Variants in WDR20 observed in about 807,000 individuals in gnomAD.
The protein encoded by WDR20 is WD repeat domain 20, also known as WD repeat-containing protein 20.
WDR20 carries 3 observed loss-of-function variants against 38.7 expected under a neutral mutation model. The ratio of observed to expected loss-of-function variants is 0.08; its 90% CI spans 0.04 to 0.20. The LOEUF (loss-of-function observed/expected upper bound fraction) is 0.20, where lower values mean the gene tolerates loss of function less well. Among genes scored for constraint, WDR20 ranks in the 10% least tolerant of loss-of-function variants. The pLI, the probability that WDR20 is intolerant of heterozygous loss-of-function variation, is 1.00. For missense variants in WDR20, 559 were observed against 727.7 expected, an observed-to-expected ratio of 0.77 and a Z score of 2.67; for synonymous variants, 298 against 285.6, an observed-to-expected ratio of 1.04 and a Z score of -0.44.
chr14:102,215,062 C>A, downstream of WDR20: 1 of 919,522 alleles, frequency 1.1e-6, no homozygotes, highest in Non-Finnish European at 1.3e-6. Context: ...CCCAGTGAAC[C>A]AAAACCAGAA....
chr14:102,213,598 G>A (rs1022878446), downstream of WDR20: 11 of 985,320 alleles, frequency 1.1e-5, no homozygotes, highest in East Asian at 1.1e-4. Flanking sequence ...GACACCGTCC[G>A]GGCGGGGCCC....
At chr14:102,214,286 G>T (rs1044168190), downstream of WDR20, 1 of 985,386 alleles carries the variant, frequency 1.0e-6, no homozygotes, top group African/African-American at 1.7e-5. Flanking sequence ...CGGGCTGATT[G>T]GGACTGTCGG....
downstream of WDR20, among the ~76,000 whole-genome samples, chr14:102,224,111 G>C (rs3742433): frequency 6.9e-6 from 1 of 144,846 alleles, no homozygotes; most frequent in Non-Finnish European, 1.5e-5. Flanking sequence ...GCGCAATCTC[G>C]GCTCACTGCA....
downstream of WDR20, chr14:102,213,763 C>T (rs1237865273): frequency 5.1e-6 from 5 of 985,318 alleles, no homozygotes; most frequent in Non-Finnish European, 3.6e-6. Context: ...ACAAGGTCCT[C>T]ATCACCTCTC....
chr14:102,176,505 T>C (rs998154543), intron 1 of WDR20, among the ~76,000 whole-genome samples: 3 of 152,180 alleles, frequency 2.0e-5, no homozygotes, highest in Non-Finnish European at 4.4e-5. Context: ...GAGACTATCC[T>C]GGCTAACATG....
chr14:102,158,623 C>T (rs2057976968), intron 1 of WDR20, among the ~76,000 whole-genome samples: 1 of 152,096 alleles, frequency 6.6e-6, no homozygotes, highest in African/African-American at 2.4e-5. Flanking sequence ...ACTTTGTCCT[C>T]AGATCTTCAA....
chr14:102,190,232 T>G lies in WDR20; in HGVS notation c.250-4706T>G, dbSNP rs116683491. 4.6e-3 allele frequency among the ~76,000 whole-genome samples: 696 copies of G among 152,228 alleles called. 6 individuals carry two copies. The highest frequency in any genetic ancestry group is 0.016 in the African/African-American group (644 of 41,534). On this transcript the variant is annotated intron_variant, in intron 1 of 2. Transcript: ENST00000342702. ...TGACTAGGATTGGATTGGATGATGA[T>G]TGTAAAGTTCCTGGTGCAGGCCTGG...
At position 102,208,606 on chromosome 14, in the gene WDR20, C is replaced by G. The variant is rs762799010; in HGVS notation, c.436C>G (p.Leu146Val). ...ETSKLFNEER[L>V]IDKSRVTCVK... ...TTGTTCTCCTTTGTCTTCACAGAGA[C>G]TAATAGACAAGTCACGAGTTACCTG... is the stretch of plus-strand genomic sequence containing the variant. Residue 146 changes from leucine to valine, a missense_variant, in exon 3 of 3, where the codon CTA becomes GTA. By Grantham distance (32) the Leu-to-Val change is conservative (BLOSUM62 1). Coordinates refer to ENST00000342702, the MANE Select transcript of WDR20 (RefSeq NM_144574.4). This position sits in a 1 kb window ranked among gnomAD's most constrained non-coding sequence, Gnocchi z 5.6. 1.2e-6 allele frequency: 2 copies of G among 1,604,346 alleles called. No homozygotes were observed. Among genetic ancestry groups the G allele is most frequent in the South Asian group, 1.1e-5 (1 of 90,436 alleles).
At chr14:102,158,617 T>A (rs1483819942) in intron 1 of WDR20, among the ~76,000 whole-genome samples, 2 of 152,130 alleles carry the variant, frequency 1.3e-5, no homozygotes, top group Non-Finnish European at 2.9e-5. Context: ...TTTACAACTT[T>A]GTCCTCAGAT....
At chr14:102,162,542 CT>C (rs2058959766) in intron 1 of WDR20, among the ~76,000 whole-genome samples, 1 of 152,166 alleles carries the variant, frequency 6.6e-6, no homozygotes, top group Non-Finnish European at 1.5e-5. Flanking sequence ...CAAGGACTCA[CT>C]TGAATACATC....
intron 2 of WDR20, chr14:102,198,417 C>T (rs2059777908): frequency 5.2e-6 from 1 of 193,878 alleles, no homozygotes; most frequent in Non-Finnish European, 1.1e-5. Context: ...CACGCCTGGC[C>T]AACACAGAGG....
chr14:102,194,897 A>G (rs781570866), intron 1 of WDR20, 41 bp from the exon 2 acceptor site: 2 of 1,578,238 alleles, frequency 1.3e-6, no homozygotes, highest in African/African-American at 1.4e-5. Flanking sequence ...TCTCATCTCA[A>G]TGTGCTGTTT....
In WDR20 at chr14:102,222,787, G is replaced by A. The variant is rs759803640; in HGVS notation, c.1693-43G>A. On this transcript the variant is annotated intron_variant, in intron 3 of 3. Transcript: ENST00000335263. This position sits in a 1 kb window ranked among gnomAD's most constrained non-coding sequence, Gnocchi z 4.4. ...AGGGCGCGCATGGTGGCTGTTGCCC[G>A]TCCGGTGTTTTGCTGGATTAATGTA... is the stretch of plus-strand genomic sequence containing the variant. 1.2e-5 allele frequency: 19 copies of A among 1,612,374 alleles called. No individual in the cohort carries two copies. Among genetic ancestry groups the A allele is most frequent in the South Asian group, 7.7e-5 (7 of 91,006 alleles).
downstream of WDR20, chr14:102,212,641 C>G: frequency 6.5e-7 from 1 of 1,533,738 alleles, no homozygotes; most frequent in Non-Finnish European, 8.7e-7. Context: ...GCGCCCTTCT[C>G]CTCGGCTGTG....
At chr14:102,165,975 C>CTT (rs1457937176) in intron 1 of WDR20, among the ~76,000 whole-genome samples, 1 of 151,852 alleles carries the variant, frequency 6.6e-6, no homozygotes, top group Non-Finnish European at 1.5e-5. Flanking sequence ...TCTCCTTAAT[C>CTT]TTTGAGTTCT....
chr14:102,224,242 A>G (rs550405729), downstream of WDR20, among the ~76,000 whole-genome samples: 10 of 151,920 alleles, frequency 6.6e-5, no homozygotes, highest in South Asian at 2.1e-4. Flanking sequence ...GGGTTTCACC[A>G]TGTTAGCCAG....
intron 1 of WDR20, among the ~76,000 whole-genome samples, chr14:102,185,461 T>G (rs188541048): frequency 1.7e-3 from 254 of 152,232 alleles, no homozygotes; most frequent in African/African-American, 5.8e-3. Flanking sequence ...CTCACATGTC[T>G]GTTGCATCAC....
upstream of WDR20, chr14:102,139,823 A>AGGAAGAGGCAGGGGGTGGG: frequency 1.3e-6 from 2 of 1,519,334 alleles, no homozygotes; most frequent in South Asian, 1.2e-5. Flanking sequence ...AGGGGCGAGA[A>AGGAAGAGGCAGGGGGTGGG]GGAAGAGGCA....
chr14:102,150,279 A>C (rs1184038497), intron 1 of WDR20, among the ~76,000 whole-genome samples: 1 of 152,050 alleles, frequency 6.6e-6, no homozygotes, highest in East Asian at 1.9e-4. Flanking sequence ...AGTTGGAAAC[A>C]AGCCTGGACA....
Sources: gnomAD v4.1 joint callset for allele counts (sites outside exome capture counted in the v4.1 genomes callset) on GRCh38, gnomAD v4.1.1 for gene constraint, Gnocchi (gnomAD v3.1) non-coding constraint, MANE v1.5 for transcripts, NCBI Gene and HGNC (gene_info 2026-07-23, HGNC 2026-07-21) for gene names.